Variants in SIPA1L1 observed in about 807,000 individuals in gnomAD.
SIPA1L1 encodes the protein signal-induced proliferation-associated 1-like protein 1.
Under a neutral mutation model 162.7 loss-of-function variants are expected in SIPA1L1, and 26 were observed. The ratio of observed to expected loss-of-function variants is 0.16; its 90% CI spans 0.12 to 0.22. SIPA1L1 has a LOEUF of 0.22. Ranked by LOEUF, SIPA1L1 falls within the 10% of genes least tolerant of loss-of-function variation. The pLI is 1.00. For synonymous variants in SIPA1L1, 829 were observed against 837.4 expected, an observed-to-expected ratio of 0.99 and a Z score of 0.17; for missense variants, 1,874 against 2,241.0, an observed-to-expected ratio of 0.84 and a Z score of 3.31.
intron 3 of SIPA1L1, among the ~76,000 whole-genome samples, chr14:71,522,637 C>G (rs1490144109): frequency 6.6e-6 from 1 of 151,486 alleles, no homozygotes; most frequent in African/African-American, 2.4e-5. Context: ...AGTGGCACTC[C>G]TTTTAGGCAG....
intron 10 of SIPA1L1, among the ~76,000 whole-genome samples, chr14:71,665,480 T>G (rs953999413): frequency 1.3e-5 from 2 of 152,216 alleles, no homozygotes; most frequent in Admixed American, 6.5e-5. Flanking sequence ...CTCTATTGTT[T>G]TATTTGTATC....
At chr14:71,414,114 C>T (rs1444778798) in intron 2 of SIPA1L1, 1 of 152,208 alleles carries the variant, frequency 6.6e-6, no homozygotes, top group African/African-American at 2.4e-5. Context: ...CGCTGTGGCT[C>T]ACGCCTGTAA....
chr14:71,534,365 G>T (rs775318013), intron 4 of SIPA1L1, among the ~76,000 whole-genome samples: 4 of 152,158 alleles, frequency 2.6e-5, no homozygotes, highest in African/African-American at 9.7e-5. Context: ...AGATTAACTC[G>T]TGTAAATTAT....
At chr14:71,421,078 A>G (rs1403099454) in intron 2 of SIPA1L1, among the ~76,000 whole-genome samples, 1 of 152,152 alleles carries the variant, frequency 6.6e-6, no homozygotes, top group Non-Finnish European at 1.5e-5. Flanking sequence ...TGTCACTTTA[A>G]TAGTTTTCTT....
intron 5 of SIPA1L1, among the ~76,000 whole-genome samples, chr14:71,602,218 A>G (rs1182124050): frequency 1.3e-5 from 2 of 151,956 alleles, no homozygotes; most frequent in African/African-American, 4.8e-5. Context: ...ATCACTTAAC[A>G]CTGTTTTTGC....
At chr14:71,541,138 CTTAT>C (rs2054344547) in intron 4 of SIPA1L1, among the ~76,000 whole-genome samples, 1 of 151,800 alleles carries the variant, frequency 6.6e-6, no homozygotes, top group Admixed American at 6.6e-5. Context: ...AGAAGAAGAA[CTTAT>C]TTATGCTATA....
intron 2 of SIPA1L1, among the ~76,000 whole-genome samples, chr14:71,500,386 C>T (rs2050112053): frequency 6.6e-6 from 1 of 152,118 alleles, no homozygotes. Context: ...TAAAATAAGC[C>T]TCTTAAAAGG....
intron 2 of SIPA1L1, among the ~76,000 whole-genome samples, chr14:71,500,754 C>T (rs2050141893): frequency 6.6e-6 from 1 of 152,232 alleles, no homozygotes; most frequent in Non-Finnish European, 1.5e-5. Context: ...CTCCTGTAAT[C>T]CCAGCACTTT....
chr14:71,346,852 G>A (rs1466002357), intron 2 of SIPA1L1, among the ~76,000 whole-genome samples: 1 of 151,990 alleles, frequency 6.6e-6, no homozygotes, highest in East Asian at 1.9e-4. Context: ...TCACCCTCCT[G>A]CCTATCTTTC....
intron 22 of SIPA1L1, among the ~76,000 whole-genome samples, chr14:71,736,781 T>G (rs2085332312): frequency 6.6e-6 from 1 of 152,100 alleles, no homozygotes; most frequent in Non-Finnish European, 1.5e-5. Context: ...TGTGAAAGGA[T>G]TATTAAAAAA....
At chr14:71,724,862 G>A (rs908186971) in intron 19 of SIPA1L1, 27 bp downstream of exon 19, 2 of 1,600,488 alleles carry the variant, frequency 1.2e-6, no homozygotes, top group African/African-American at 1.3e-5. Context: ...AGGGTAGATG[G>A]CAATTAGAAA....
At chr14:71,593,903 C>G (rs976560712) in intron 5 of SIPA1L1, among the ~76,000 whole-genome samples, 7 of 152,176 alleles carry the variant, frequency 4.6e-5, no homozygotes, top group African/African-American at 1.7e-4. Context: ...GGGCCTCCCT[C>G]TACTGCACAC....
At chr14:71,471,135 C>A (rs2047421957) in intron 2 of SIPA1L1, among the ~76,000 whole-genome samples, 1 of 152,196 alleles carries the variant, frequency 6.6e-6, no homozygotes, top group African/African-American at 2.4e-5. Flanking sequence ...TGAGCCTCCG[C>A]ACCCGGCCTC....
At chr14:71,493,309 G>A (rs997210763) in intron 2 of SIPA1L1, among the ~76,000 whole-genome samples, 2 of 151,746 alleles carry the variant, frequency 1.3e-5, no homozygotes, top group Non-Finnish European at 2.9e-5. Context: ...ACCCAGGCTG[G>A]TGTTGAATCC....
In SIPA1L1 at chr14:71,661,443, C is replaced by T. The variant is rs1453315085; in HGVS notation, c.2231C>T (p.Pro744Leu). ...TTCGTCATCGTCAGGGTGCACAATC[C>T]GTGCTCTGACAGTGTCTGTTATAGG... ...HVFVIVRVHN[P>L]CSDSVCYSVA... The change falls in exon 10 of 24, where the codon CCG becomes CTG. Residue 744 changes from proline (P) to leucine (L), a missense_variant. Transcript: ENST00000381232. 9 of 1,613,872 alleles carry T rather than the reference C, an allele frequency of 5.6e-6. No individual in the cohort carries two copies. Among genetic ancestry groups the T allele is most frequent in the African/African-American group, 5.3e-5 (4 of 74,896 alleles).
intron 4 of SIPA1L1, among the ~76,000 whole-genome samples, chr14:71,546,993 C>A (rs952405258): frequency 9.9e-5 from 15 of 152,046 alleles, no homozygotes; most frequent in African/African-American, 2.2e-4. Flanking sequence ...CAATTGTTTT[C>A]ATGCCACAAT....
At chr14:71,380,200 A>C (rs1480406353) in intron 2 of SIPA1L1, among the ~76,000 whole-genome samples, 2 of 152,256 alleles carry the variant, frequency 1.3e-5, no homozygotes, top group African/African-American at 4.8e-5. Flanking sequence ...GTATGGAATA[A>C]TTAACATACT....
At chr14:71,427,312 T>C (rs1055894805) in intron 2 of SIPA1L1, among the ~76,000 whole-genome samples, 1 of 152,174 alleles carries the variant, frequency 6.6e-6, no homozygotes, top group Non-Finnish European at 1.5e-5. Flanking sequence ...ACATTCTGGT[T>C]GATAGGTTTG....
At chr14:71,371,833 CATGTATT>C (rs1238244989) in intron 2 of SIPA1L1, among the ~76,000 whole-genome samples, 2 of 152,146 alleles carry the variant, frequency 1.3e-5, no homozygotes, top group Non-Finnish European at 1.5e-5. Flanking sequence ...TATGGTTTCA[CATGTATT>C]CTTTGTATAC....
Sources: gnomAD v4.1 joint callset for allele counts (sites outside exome capture counted in the v4.1 genomes callset) on GRCh38, gnomAD v4.1.1 for gene constraint, MANE v1.5 for transcripts, NCBI Gene and HGNC (gene_info 2026-07-23, HGNC 2026-07-21) for gene names.